The following SLIT3 variants were observed in gnomAD, a reference collection of about 807,000 sequenced individuals.
The protein encoded by SLIT3 is slit homolog 3 protein.
In SLIT3, 68 loss-of-function variants were observed where a neutral mutation model predicts 184.0. That is an observed-to-expected ratio of 0.37 (90% CI 0.30 to 0.45). The LOEUF (loss-of-function observed/expected upper bound fraction) is 0.45. Ranked by LOEUF, SLIT3 falls within the 20% of genes least tolerant of loss-of-function variation. The pLI is 1.00. For synonymous variants in SLIT3, 831 were observed against 828.6 expected, an observed-to-expected ratio of 1.00 and a Z score of -0.05; for missense variants, 1,707 against 2,026.0, an observed-to-expected ratio of 0.84 and a Z score of 3.02.
intron 4 of SLIT3, among the ~76,000 whole-genome samples, chr5:168,929,298 T>C (rs1761919388): frequency 6.6e-6 from 1 of 152,272 alleles, no homozygotes; most frequent in South Asian, 2.1e-4. Context: ...GTTGCTGTTA[T>C]AATGGAGATA....
At chr5:168,777,001 G>C (rs751921185) in intron 12 of SLIT3, among the ~76,000 whole-genome samples, 1 of 151,872 alleles carries the variant, frequency 6.6e-6, no homozygotes, top group Non-Finnish European at 1.5e-5. Context: ...AGCATTTTGC[G>C]TCATGCCACA....
intron 4 of SLIT3, among the ~76,000 whole-genome samples, chr5:169,111,815 C>A (rs1760418620): frequency 6.6e-6 from 1 of 152,146 alleles, no homozygotes; most frequent in East Asian, 1.9e-4. Context: ...GTTGATGTGA[C>A]CAGTGTGTAC....
chr5:168,699,887 C>A (rs1046961440), intron 27 of SLIT3, among the ~76,000 whole-genome samples: 1 of 152,196 alleles, frequency 6.6e-6, no homozygotes, highest in Non-Finnish European at 1.5e-5. Context: ...GCCAGACGGG[C>A]AGTCTTTAAG....
intron 4 of SLIT3, among the ~76,000 whole-genome samples, chr5:168,907,979 T>TATATATATATAGAGAGAGAG (rs376418381): frequency 1.2e-4 from 6 of 50,086 alleles, no homozygotes; most frequent in Admixed American, 2.6e-4. Flanking sequence ...TATATATATA[T>TATATATATATAGAGAGAGAG]AGAGAGAGAG....
At chr5:168,999,448 C>G (rs1303084627) in intron 4 of SLIT3, among the ~76,000 whole-genome samples, 2 of 150,720 alleles carry the variant, frequency 1.3e-5, no homozygotes, top group Non-Finnish European at 3.0e-5. Flanking sequence ...CTACATAGAG[C>G]CTTGTGTGGG....
At chr5:169,151,191 T>A (rs1057085902) in intron 4 of SLIT3, among the ~76,000 whole-genome samples, 4 of 152,164 alleles carry the variant, frequency 2.6e-5, no homozygotes. Context: ...AGCAAGTGAT[T>A]CCTTGCCTTG....
At chr5:168,774,049 G>A (rs548384051) in intron 13 of SLIT3, among the ~76,000 whole-genome samples, 186 bp downstream of exon 13, 44 of 152,334 alleles carry the variant, frequency 2.9e-4, no homozygotes, top group African/African-American at 1.0e-3. Flanking sequence ...TCCATGTGGT[G>A]TCAAGCACAG....
intron 4 of SLIT3, among the ~76,000 whole-genome samples, chr5:169,031,494 C>CA: frequency 6.6e-6 from 1 of 152,296 alleles, no homozygotes; most frequent in South Asian, 2.1e-4. Context: ...AGTGGGGTCT[C>CA]ACCCAAACAG....
At chr5:168,711,816 C>A (rs184254269) in intron 24 of SLIT3, among the ~76,000 whole-genome samples, 1 of 152,220 alleles carries the variant, frequency 6.6e-6, no homozygotes, top group African/African-American at 2.4e-5. Flanking sequence ...TATTTATGGG[C>A]CTCAGTTTTT....
chr5:168,685,049 C>T (rs1302020391), intron 31 of SLIT3, among the ~76,000 whole-genome samples: 1 of 152,170 alleles, frequency 6.6e-6, no homozygotes, highest in Non-Finnish European at 1.5e-5. Flanking sequence ...CTCCCAGGTT[C>T]AAGCGATTCT....
At chr5:168,677,650 T>C (rs1761455889) in intron 32 of SLIT3, among the ~76,000 whole-genome samples, 1 of 152,202 alleles carries the variant, frequency 6.6e-6, no homozygotes, top group Non-Finnish European at 1.5e-5. Context: ...GGTTTTGCCA[T>C]GTTGGCCAGG....
intron 4 of SLIT3, among the ~76,000 whole-genome samples, chr5:168,980,618 G>C (rs1056556256): frequency 2.0e-5 from 3 of 152,112 alleles, no homozygotes; most frequent in African/African-American, 7.2e-5. Context: ...CTTCAGGAAG[G>C]CCCCAGAATA....
chr5:169,075,067 A>G (rs1189470118), intron 4 of SLIT3, among the ~76,000 whole-genome samples: 1 of 152,144 alleles, frequency 6.6e-6, no homozygotes, highest in Non-Finnish European at 1.5e-5. Context: ...GCCAACTGTC[A>G]AGAAGGAGAG....
intron 6 of SLIT3, among the ~76,000 whole-genome samples, chr5:168,828,251 C>A (rs879634277): frequency 6.6e-6 from 1 of 152,182 alleles, no homozygotes; most frequent in African/African-American, 2.4e-5. Context: ...GGAATCGGAA[C>A]CTAGGGGAAG....
intron 4 of SLIT3, among the ~76,000 whole-genome samples, chr5:169,044,028 A>G (rs1331010455): frequency 1.3e-5 from 2 of 152,214 alleles, no homozygotes; most frequent in African/African-American, 4.8e-5. Flanking sequence ...GACTACCCTG[A>G]GTAGAGAGAA....
intron 4 of SLIT3, among the ~76,000 whole-genome samples, chr5:169,042,611 G>T (rs1337653504): frequency 1.6e-4 from 24 of 152,168 alleles, no homozygotes; most frequent in Non-Finnish European, 2.9e-4. Context: ...TGAGATTAGT[G>T]AAATCAGCCC....
intron 4 of SLIT3, among the ~76,000 whole-genome samples, chr5:168,970,222 G>A (rs568368337): frequency 4.2e-4 from 64 of 151,754 alleles, no homozygotes; most frequent in Admixed American, 1.1e-3. Context: ...AAGGCCAGGC[G>A]TGGTGGCTGA....
At chr5:168,943,322 A>G (rs972546288) in intron 4 of SLIT3, among the ~76,000 whole-genome samples, 6 of 152,226 alleles carry the variant, frequency 3.9e-5, no homozygotes, top group African/African-American at 1.4e-4. Flanking sequence ...CTTAGCAACT[A>G]AATTAGTTGT....
At chr5:169,143,804 C>A (rs991942215) in intron 4 of SLIT3, among the ~76,000 whole-genome samples, 4 of 151,694 alleles carry the variant, frequency 2.6e-5, no homozygotes, top group African/African-American at 9.7e-5. Flanking sequence ...CGAAAAAAAA[C>A]AACAAAAACA....
Sources: allele counts gnomAD v4.1 joint callset (sites outside exome capture counted in the v4.1 genomes callset), GRCh38; gene constraint gnomAD v4.1.1; transcripts MANE v1.5; gene names NCBI Gene and HGNC (gene_info 2026-07-23, HGNC 2026-07-21).